ANAPC16: variants seen among roughly 807,000 people sequenced by gnomAD.
ANAPC16 encodes anaphase-promoting complex subunit 16.
In ANAPC16, 6 loss-of-function variants were observed where a neutral mutation model predicts 13.1. That is an observed-to-expected ratio of 0.46 (90% CI 0.25 to 0.90). The LOEUF is 0.90. Ranked by LOEUF, ANAPC16 falls within the 40% of genes least tolerant of loss-of-function variation. The pLI is 0.18. For missense variants in ANAPC16, 113 were observed against 131.1 expected, an observed-to-expected ratio of 0.86 and a Z score of 0.67; for synonymous variants, 55 against 51.3, an observed-to-expected ratio of 1.07 and a Z score of -0.31.
chr10:72,218,156 AAAAAAAAAAATATATATATATAT>A (rs1433093062), intron 1 of ANAPC16, among the ~76,000 whole-genome samples: 3 of 51,018 alleles, frequency 5.9e-5, no homozygotes, highest in African/African-American at 9.1e-5. Context: ...AAAAAAAAAA[AAAAAAAAAAATATATATATATAT>A]ATATATATAT....
chr10:72,225,431 T>C (rs527983593), intron 2 of ANAPC16, among the ~76,000 whole-genome samples: 64 of 152,162 alleles, frequency 4.2e-4, no homozygotes, highest in African/African-American at 1.3e-3. Context: ...TTGAAAAACA[T>C]TGGGACCAGG....
At position 72,223,974 on chromosome 10, in the gene ANAPC16, A is replaced by G. The variant is rs145495551; in HGVS notation, c.60A>G (p.Gly20=). The change falls in exon 2 of 4, where the codon GGA becomes GGG. Residue 20 remains glycine (G), a synonymous_variant. Coordinates refer to ENST00000299381, the MANE Select transcript of ANAPC16 (RefSeq NM_173473.4). ...AGGVSGSSVT[G]SGFSVSDLAP... The stretch of plus-strand genomic sequence containing the variant: ...GGGTCAGTGGAAGTTCTGTCACTGG[A>G]TCTGGTTTCAGTGTCTCAGACCTTG... The G allele has an allele frequency of 1.1e-4, 171 of 1,612,056 alleles. No individual in the cohort carries two copies. Among genetic ancestry groups the G allele is most frequent in the Non-Finnish European group, 1.4e-4 (170 of 1,178,530 alleles).
rs752012286 is a variant in ANAPC16 at position 72,226,973 on chromosome 10, C to T, written c.142+2917C>T. Among the ~76,000 whole-genome samples the T allele has an allele frequency of 1.3e-3, 198 of 152,096 alleles. 3 individuals are homozygous for T. The highest frequency in any genetic ancestry group is 6.8e-3 in the Middle Eastern group (2 of 292). ...ACTGAGTCTGGTTAGAAGTAGTGAACAATTGGGGCCCTGTTACCATATTTG... is the reference window on the plus strand; with the variant it reads ...ACTGAGTCTGGTTAGAAGTAGTGAATAATTGGGGCCCTGTTACCATATTTG... On this transcript the variant is annotated intron_variant, in intron 2 of 3. Transcript: ENST00000299381.
chr10:72,225,010 ACTG>A (rs1373098764), intron 2 of ANAPC16, among the ~76,000 whole-genome samples: 6 of 152,158 alleles, frequency 3.9e-5, no homozygotes, highest in African/African-American at 1.4e-4. Flanking sequence ...CTGGCCAGGC[ACTG>A]TAGCTCATGC....
intron 2 of ANAPC16, among the ~76,000 whole-genome samples, chr10:72,227,807 G>A (rs1457468635): frequency 6.6e-6 from 1 of 150,486 alleles, no homozygotes; most frequent in Non-Finnish European, 1.5e-5. Context: ...GAGGTGGGCG[G>A]ATCACCTGAG....
chr10:72,222,334 C>T (rs545340205), intron 1 of ANAPC16, among the ~76,000 whole-genome samples: 13 of 151,808 alleles, frequency 8.6e-5, no homozygotes, highest in African/African-American at 3.1e-4. Flanking sequence ...AGGAGAATCG[C>T]TTGAACCTGG....
At chr10:72,218,162 AAAAATATAT>A (rs1859693139) in intron 1 of ANAPC16, among the ~76,000 whole-genome samples, 1 of 29,272 alleles carries the variant, frequency 3.4e-5, no homozygotes, top group Non-Finnish European at 6.0e-5. Flanking sequence ...AAAAAAAAAA[AAAAATATAT>A]ATATATATAT....
At chr10:72,219,114 A>G (rs1859795492) in intron 1 of ANAPC16, among the ~76,000 whole-genome samples, 1 of 152,202 alleles carries the variant, frequency 6.6e-6, no homozygotes, top group Admixed American at 6.6e-5. Context: ...AGAGTTTTAA[A>G]TCTTAGGTGA....
At chr10:72,217,472 CAAAAAAAA>C (rs11393524) in intron 1 of ANAPC16, among the ~76,000 whole-genome samples, 4 of 84,558 alleles carry the variant, frequency 4.7e-5, no homozygotes, top group Non-Finnish European at 1.1e-4. Flanking sequence ...GAATCCGTCT[CAAAAAAAA>C]AAAAAAAAGG....
chr10:72,223,699 T>C (rs1442576946), intron 1 of ANAPC16, 189 bp from the exon 2 acceptor site: 5 of 422,974 alleles, frequency 1.2e-5, no homozygotes, highest in Non-Finnish European at 2.1e-5. Context: ...CTTAAGCATA[T>C]TTTCAGTTCA....
intron 1 of ANAPC16, among the ~76,000 whole-genome samples, chr10:72,219,608 G>T (rs982106826): frequency 7.2e-5 from 11 of 152,092 alleles, no homozygotes; most frequent in African/African-American, 2.7e-4. Flanking sequence ...GTTCTGGCAC[G>T]TGCCTGTAGT....
chr10:72,227,736 A>G (rs1263112227), intron 2 of ANAPC16, among the ~76,000 whole-genome samples: 1 of 152,080 alleles, frequency 6.6e-6, no homozygotes, highest in African/African-American at 2.4e-5. Context: ...GTTTAATAGA[A>G]TATGAAAATA....
At chr10:72,232,015 C>T (rs1263079261) in intron 3 of ANAPC16, among the ~76,000 whole-genome samples, 3 of 150,586 alleles carry the variant, frequency 2.0e-5, no homozygotes, top group African/African-American at 4.9e-5. Flanking sequence ...GGAGAAACCC[C>T]ATCTCTACTA....
At chr10:72,230,587 A>G (rs1860266623) in intron 3 of ANAPC16, 147 bp downstream of exon 3, 3 of 680,094 alleles carry the variant, frequency 4.4e-6, no homozygotes, top group Non-Finnish European at 7.5e-6. Context: ...TCTAGTCATA[A>G]TGTCCACATT....
At chr10:72,229,043 T>C (rs562643096) in intron 2 of ANAPC16, among the ~76,000 whole-genome samples, 3 of 152,052 alleles carry the variant, frequency 2.0e-5, no homozygotes, top group Non-Finnish European at 4.4e-5. Context: ...CTTTCCTCTT[T>C]CTAAAATAAA....
intron 2 of ANAPC16, among the ~76,000 whole-genome samples, chr10:72,225,572 ACT>A (rs1860093937): frequency 6.6e-6 from 1 of 152,020 alleles, no homozygotes; most frequent in African/African-American, 2.4e-5. Context: ...ACAGAATGAG[ACT>A]CTGTCTCAAA....
intron 1 of ANAPC16, among the ~76,000 whole-genome samples, chr10:72,218,008 G>A (rs770471503): frequency 6.6e-6 from 1 of 151,074 alleles, no homozygotes; most frequent in Non-Finnish European, 1.5e-5. Context: ...TCGGATGAAG[G>A]GTACTCAACC....
At position 72,223,882 on chromosome 10, in the gene ANAPC16, C is replaced by T. The variant is rs776625808; in HGVS notation, c.-27-6C>T. On this transcript the variant is annotated splice_polypyrimidine_tract_variant and splice_region_variant and intron_variant, in intron 1 of 3. Transcript: ENST00000299381. ...CTTGCCAATTGCTGTTTTTCTTTCT[C>T]TGTAGTGAAGTAAGAACTCTGCTAG... The T allele has an allele frequency of 6.6e-7, 1 of 1,509,970 alleles. No individual in the cohort carries two copies. The highest frequency in any genetic ancestry group is 9.0e-7 in the Non-Finnish European group (1 of 1,116,618). The allele number at this position is 1,509,970 out of a possible 1,614,324, so 93.5% of individuals were successfully genotyped here. A position where few individuals can be genotyped will look rare whatever the true frequency, so the allele number is the denominator to read the frequency against.
chr10:72,217,347 C>T (rs1589700051), intron 1 of ANAPC16, among the ~76,000 whole-genome samples: 1 of 151,712 alleles, frequency 6.6e-6, no homozygotes, highest in Non-Finnish European at 1.5e-5. Flanking sequence ...TGGTGGCGGG[C>T]GCCTGTAGTC....
Sources: allele counts gnomAD v4.1 joint callset (sites outside exome capture counted in the v4.1 genomes callset), GRCh38; gene constraint gnomAD v4.1.1; transcripts MANE v1.5; gene names NCBI Gene and HGNC (gene_info 2026-07-23, HGNC 2026-07-21).